The following PPARGC1A variants were observed in gnomAD, a reference collection of about 807,000 sequenced individuals.
PPARGC1A encodes the protein peroxisome proliferator-activated receptor gamma coactivator 1-alpha.
A neutral mutation model predicts 88.7 loss-of-function variants in PPARGC1A; 25 were observed. That is an observed-to-expected ratio of 0.28 (90% CI 0.21 to 0.39). PPARGC1A has a LOEUF of 0.39. Among genes scored for constraint, PPARGC1A ranks in the 10% least tolerant of loss-of-function variants. The pLI is 1.00. For missense variants in PPARGC1A, 880 were observed against 968.7 expected (o/e 0.91, Z 1.22); for synonymous variants, 363 against 355.6 (o/e 1.02, Z -0.24).
chr4:23,853,533 T>C (rs1252414835), intron 2 of PPARGC1A, among the ~76,000 whole-genome samples: 3 of 152,178 alleles, frequency 2.0e-5, no homozygotes, highest in African/African-American at 4.8e-5. Context: ...TCCATCATAT[T>C]TGAACCTGAT....
the PPARGC1A span, among the ~76,000 whole-genome samples, chr4:24,401,492 T>A: frequency 1.3e-5 from 2 of 151,744 alleles, no homozygotes; most frequent in Non-Finnish European, 2.9e-5. Context: ...TCTAGCTTGC[T>A]TACTGCTCCA....
chr4:24,048,196 G>A, the PPARGC1A span, among the ~76,000 whole-genome samples: 9 of 151,828 alleles, frequency 5.9e-5, no homozygotes, highest in South Asian at 6.2e-4. Context: ...TATCTTTTTC[G>A]TCACCCTTGC....
chr4:24,292,504 C>A, the PPARGC1A span, among the ~76,000 whole-genome samples: 1 of 147,884 alleles, frequency 6.8e-6, no homozygotes, highest in African/African-American at 2.5e-5. Flanking sequence ...CCCTCACCCC[C>A]ACCCCTTCCT....
the PPARGC1A span, among the ~76,000 whole-genome samples, chr4:24,145,336 C>G: frequency 6.6e-6 from 1 of 152,262 alleles, no homozygotes; most frequent in East Asian, 1.9e-4. Flanking sequence ...CCTTGAGCTA[C>G]CCCTTTGTGG....
At chr4:24,330,426 G>A in the PPARGC1A span, among the ~76,000 whole-genome samples, 1 of 152,152 alleles carries the variant, frequency 6.6e-6, no homozygotes, top group Non-Finnish European at 1.5e-5. Flanking sequence ...AGGTCCTGGG[G>A]AAAGAATGCC....
At chr4:24,421,809 G>T in the PPARGC1A span, among the ~76,000 whole-genome samples, 2 of 152,154 alleles carry the variant, frequency 1.3e-5, no homozygotes, top group Non-Finnish European at 2.9e-5. Context: ...ACAATTAGTA[G>T]TACATGCCTT....
the PPARGC1A span, among the ~76,000 whole-genome samples, chr4:23,970,805 C>T: frequency 1.4e-4 from 21 of 152,240 alleles, no homozygotes; most frequent in African/African-American, 2.4e-4. Context: ...TCAGTGACAA[C>T]GATTTTCATT....
chr4:24,336,733 G>A, the PPARGC1A span, among the ~76,000 whole-genome samples: 2 of 151,958 alleles, frequency 1.3e-5, no homozygotes, highest in African/African-American at 4.8e-5. Flanking sequence ...TAGATAGCTG[G>A]CTTTTTGTTT....
upstream of PPARGC1A, among the ~76,000 whole-genome samples, chr4:23,893,853 A>G (rs1421373541): frequency 1.3e-5 from 2 of 152,180 alleles, no homozygotes; most frequent in Non-Finnish European, 2.9e-5. Context: ...TCAAGAAAGA[A>G]AGGTGGAAAG....
At chr4:24,129,992 C>A in the PPARGC1A span, among the ~76,000 whole-genome samples, 5 of 151,844 alleles carry the variant, frequency 3.3e-5, no homozygotes, top group East Asian at 9.7e-4. Flanking sequence ...ACACCGGGGC[C>A]TGTTGAGGGG....
At chr4:24,247,783 A>T in the PPARGC1A span, among the ~76,000 whole-genome samples, 1 of 152,174 alleles carries the variant, frequency 6.6e-6, no homozygotes, top group Admixed American at 6.6e-5. Context: ...TTCACCTACC[A>T]TAGAGTTCTA....
chr4:24,063,151 T>C, the PPARGC1A span, among the ~76,000 whole-genome samples: 1 of 152,134 alleles, frequency 6.6e-6, no homozygotes, highest in African/African-American at 2.4e-5. Flanking sequence ...AGTGGGCCCT[T>C]TCATACTCCC....
the PPARGC1A span, among the ~76,000 whole-genome samples, chr4:24,244,761 C>T: frequency 6.6e-6 from 1 of 152,176 alleles, no homozygotes; most frequent in Non-Finnish European, 1.5e-5. Context: ...TCCTACAATT[C>T]ACAGACAGCC....
the PPARGC1A span, among the ~76,000 whole-genome samples, chr4:24,425,286 T>C: frequency 6.6e-6 from 1 of 152,328 alleles, no homozygotes; most frequent in East Asian, 1.9e-4. Context: ...GGACACACAT[T>C]ATAACATAAT....
At chr4:24,097,131 T>A in the PPARGC1A span, among the ~76,000 whole-genome samples, 1 of 152,110 alleles carries the variant, frequency 6.6e-6, no homozygotes, top group East Asian at 1.9e-4. Flanking sequence ...TAAGACCGCA[T>A]TGTAAGAATC....
the PPARGC1A span, among the ~76,000 whole-genome samples, chr4:23,942,077 A>G: frequency 0.15 from 22,710 of 151,086 alleles, 2,391 homozygotes; most frequent in Admixed American, 0.33. Context: ...GATAGTGGGA[A>G]AAAAAAAAGA....
At chr4:23,815,792 G>A (rs1165865970) in intron 7 of PPARGC1A, among the ~76,000 whole-genome samples, 1 of 152,082 alleles carries the variant, frequency 6.6e-6, no homozygotes, top group Non-Finnish European at 1.5e-5. Context: ...TTCTGTTTAG[G>A]AGGCGGGGTG....
chr4:24,055,082 A>G, the PPARGC1A span, among the ~76,000 whole-genome samples: 1 of 152,244 alleles, frequency 6.6e-6, no homozygotes, highest in Non-Finnish European at 1.5e-5. Context: ...CAGCTGCTAC[A>G]GGACAGAGCT....
intron 2 of PPARGC1A, chr4:23,881,135 A>G (rs1332532944): frequency 6.6e-6 from 1 of 152,242 alleles, no homozygotes; most frequent in Non-Finnish European, 1.5e-5. Flanking sequence ...ACAATGCACA[A>G]AGGCAACAGA....
Sources: gnomAD v4.1 joint callset for allele counts (sites outside exome capture counted in the v4.1 genomes callset) on GRCh38, gnomAD v4.1.1 for gene constraint, MANE v1.5 for transcripts, NCBI Gene and HGNC (gene_info 2026-07-23, HGNC 2026-07-21) for gene names.